The following PCDHGA3 variants were observed in gnomAD, a reference collection of about 807,000 sequenced individuals.
PCDHGA3 encodes the protein protocadherin gamma subfamily A, 3.
A neutral mutation model predicts 58.5 loss-of-function variants in PCDHGA3; 40 were observed. The observed-to-expected ratio is 0.68, with a 90% CI of 0.53 to 0.89. The LOEUF (loss-of-function observed/expected upper bound fraction) is 0.89, where lower values mean the gene tolerates loss of function less well. Ranked by LOEUF, PCDHGA3 falls within the 40% of genes least tolerant of loss-of-function variation. PCDHGA3 has a pLI of 0.00. For missense variants in PCDHGA3, 1,223 were observed against 1,195.9 expected (o/e 1.02, Z -0.33); for synonymous variants, 530 against 525.7 (o/e 1.01, Z -0.11).
chr5:141,485,106 T>A lies in PCDHGA3; in HGVS notation c.2425-9701T>A, dbSNP rs2099607051. 8.3e-7 allele frequency: 1 copy of A among 1,206,448 alleles called. No individual in the cohort carries two copies. Among genetic ancestry groups the A allele is most frequent in the Admixed American group, 1.8e-5 (1 of 55,050 alleles). 74.7% of individuals were successfully genotyped at this position (1,206,448 alleles called of 1,614,324 possible). On this transcript the variant is annotated intron_variant, in intron 1 of 3. Coordinates refer to ENST00000253812, the MANE Select transcript of PCDHGA3 (RefSeq NM_018916.4). The surrounding 1 kb of genome is among the most constrained non-coding windows in gnomAD (Gnocchi z 5.7). ...GGGAGATAGGTGTCTCCAGCTGCTG[T>A]GGCTGTTTGGGGCGGGTCGGCTTCA...
At chr5:141,404,399 G>T (rs1269569845) in intron 1 of PCDHGA3, 2 of 1,613,778 alleles carry the variant, frequency 1.2e-6, no homozygotes, top group African/African-American at 1.3e-5. Context: ...TGATAGCAAT[G>T]AGAATTCTAG....
At chr5:141,496,021 G>A (rs1011612662) in intron 2 of PCDHGA3, among the ~76,000 whole-genome samples, 1 of 151,336 alleles carries the variant, frequency 6.6e-6, no homozygotes, top group Admixed American at 6.6e-5. Context: ...TTTTCTCTGA[G>A]CCTCTGTCTC....
Position 141,486,552 on chromosome 5 carries a change from A to G in PCDHGA3, c.2425-8255A>G. On this transcript the variant is annotated intron_variant, in intron 1 of 3. Coordinates refer to ENST00000253812, the MANE Select transcript of PCDHGA3 (RefSeq NM_018916.4). This position sits in a 1 kb window ranked among gnomAD's most constrained non-coding sequence, Gnocchi z 5.0. ...CCACCCTCTTTCTTTCAGAGGTCAC[A>G]TGAGGTGTTTGTTCCTGAGAACAAT... is the stretch of plus-strand genomic sequence containing the variant. 1 of 1,614,136 alleles carries G rather than the reference A, an allele frequency of 6.2e-7. No homozygotes were observed. The highest frequency in any genetic ancestry group is 2.2e-5 in the East Asian group (1 of 44,882).
At chr5:141,466,765 G>A (rs1199343616) in intron 1 of PCDHGA3, among the ~76,000 whole-genome samples, 1 of 151,996 alleles carries the variant, frequency 6.6e-6, no homozygotes, top group African/African-American at 2.4e-5. Context: ...TTTTCAAACT[G>A]TTATCTTATT....
At chr5:141,402,884 T>G in intron 1 of PCDHGA3, 1 of 1,481,582 alleles carries the variant, frequency 6.7e-7, no homozygotes, top group Non-Finnish European at 9.0e-7. Flanking sequence ...CTTTGCAGGG[T>G]GGAAGAAAGA....
Position 141,427,512 on chromosome 5 carries a change from T to A in PCDHGA3, c.2425-67295T>A, listed in dbSNP as rs1483922394. ...GCTTGTAACAGATGGGACCCTGGATTGGGAGCGGATCCCGGAGTACAACGT... is the reference window on the plus strand; with the variant it reads ...GCTTGTAACAGATGGGACCCTGGATAGGGAGCGGATCCCGGAGTACAACGT... On this transcript the variant is annotated intron_variant, in intron 1 of 3. Transcript: ENST00000253812. 1.2e-5 allele frequency: 7 copies of A among 592,748 alleles called. No homozygotes were observed. The Admixed American group carries it at 1.3e-4, about 11-fold the overall frequency. 36.7% of individuals were successfully genotyped at this position (592,748 alleles called of 1,614,324 possible). A position where few individuals can be genotyped will look rare whatever the true frequency, so the allele number is the denominator to read the frequency against.
At chr5:141,506,053 T>C (rs1486313858) in intron 3 of PCDHGA3, among the ~76,000 whole-genome samples, 1 of 152,126 alleles carries the variant, frequency 6.6e-6, no homozygotes, top group Non-Finnish European at 1.5e-5. Context: ...TCCCATAAGG[T>C]TGACTAAGGG....
At chr5:141,426,423 G>T in intron 1 of PCDHGA3, 1 of 290,954 alleles carries the variant, frequency 3.4e-6, no homozygotes, top group Non-Finnish European at 6.8e-6. Context: ...AGGGCTCCGT[G>T]GTGGGGAACC....
At chr5:141,371,591 A>C (rs1767870788) in intron 1 of PCDHGA3, 2 of 1,614,016 alleles carry the variant, frequency 1.2e-6, no homozygotes, top group African/African-American at 2.7e-5. Context: ...AAGATACCAA[A>C]AACACATACA....
At chr5:141,374,602 T>G in intron 1 of PCDHGA3, 1 of 1,613,652 alleles carries the variant, frequency 6.2e-7, no homozygotes, top group Non-Finnish European at 8.5e-7. Flanking sequence ...TTAAGCTCAG[T>G]GGTAATAGTC....
At chr5:141,370,989 C>A in intron 1 of PCDHGA3, 2 of 1,613,982 alleles carry the variant, frequency 1.2e-6, no homozygotes, top group East Asian at 2.2e-5. Flanking sequence ...ACTGAAAGCA[C>A]CCCTGGACAG....
chr5:141,400,175 A>G (rs374505357), intron 1 of PCDHGA3: 1 of 1,613,918 alleles, frequency 6.2e-7, no homozygotes, highest in Non-Finnish European at 8.5e-7. Flanking sequence ...CCCCAGGCTG[A>G]GCTGCAGTTT....
intron 1 of PCDHGA3, among the ~76,000 whole-genome samples, chr5:141,354,044 T>C (rs1441545131): frequency 6.6e-6 from 1 of 152,238 alleles, no homozygotes; most frequent in African/African-American, 2.4e-5. Flanking sequence ...CGATGGCACA[T>C]GCAATGATAA....
intron 1 of PCDHGA3, among the ~76,000 whole-genome samples, chr5:141,465,279 C>T (rs975247599): frequency 3.3e-5 from 5 of 152,028 alleles, no homozygotes; most frequent in South Asian, 2.1e-4. Flanking sequence ...TTTAGTTCAC[C>T]CCTAAAGAAC....
rs376978832 is a variant in PCDHGA3, at chr5:141,395,250, C to T, written c.2424+48793C>T. On this transcript the variant is annotated intron_variant, in intron 1 of 3. Transcript: ENST00000253812. ...TGATCATGGTCAGGTGAGTTTAGTT[C>T]TTTGCTTGCTTTTAATTTCCAGATG... 1.1e-5 allele frequency: 17 copies of T among 1,558,200 alleles called. No individual in the cohort carries two copies. In the African/African-American group the frequency reaches 2.3e-4, roughly 21 times the overall value.
At chr5:141,379,481 A>G (rs969144576) in intron 1 of PCDHGA3, 6 of 152,256 alleles carry the variant, frequency 3.9e-5, no homozygotes, top group Non-Finnish European at 5.9e-5. Context: ...ATGTTATTTT[A>G]CTATACTACC....
Position 141,432,732 on chromosome 5 carries a change from T to G in PCDHGA3, c.2425-62075T>G, listed in dbSNP as rs1300743675. 2.5e-6 allele frequency: 4 copies of G among 1,613,940 alleles called. No individual in the cohort carries two copies. Among genetic ancestry groups the G allele is most frequent in the Non-Finnish European group, 3.4e-6 (4 of 1,179,992 alleles). On this transcript the variant is annotated intron_variant, in intron 1 of 3. Coordinates refer to ENST00000253812, the MANE Select transcript of PCDHGA3 (RefSeq NM_018916.4). This position sits in a 1 kb window ranked among gnomAD's most constrained non-coding sequence, Gnocchi z 6.0. ...GGCCAGCCCCCTCTCTCCGCCACTG[T>G]CACGCTCACCGTGGCCGTGGCCGAC...
intron 1 of PCDHGA3, chr5:141,426,993 G>A (rs1331210977): frequency 1.1e-5 from 5 of 456,742 alleles, no homozygotes; most frequent in Middle Eastern, 3.3e-4. Context: ...CAACGATAAT[G>A]CCCCAGTTTT....
chr5:141,509,575 T>C (rs186302231), intron 3 of PCDHGA3, among the ~76,000 whole-genome samples: 153 of 152,320 alleles, frequency 1.0e-3, no homozygotes, highest in African/African-American at 3.7e-3. Flanking sequence ...TCACAGTGCG[T>C]ACAAATCAGC....
Sources: gnomAD v4.1 joint callset for allele counts (sites outside exome capture counted in the v4.1 genomes callset) on GRCh38, gnomAD v4.1.1 for gene constraint, Gnocchi (gnomAD v3.1) non-coding constraint, MANE v1.5 for transcripts, NCBI Gene and HGNC (gene_info 2026-07-23, HGNC 2026-07-21) for gene names.